The following RGS6 variants were observed in gnomAD, a reference collection of about 807,000 sequenced individuals.
The protein encoded by RGS6 is regulator of G protein signaling 6, also known as regulator of G-protein signaling 6.
In RGS6, 30 loss-of-function variants were observed where a neutral mutation model predicts 78.5. That is an observed-to-expected ratio of 0.38 (90% CI 0.29 to 0.52). The LOEUF (loss-of-function observed/expected upper bound fraction) is 0.52. Among genes scored for constraint, RGS6 ranks in the 20% least tolerant of loss-of-function variants. RGS6 has a pLI of 0.85. For missense variants in RGS6, 495 were observed against 609.7 expected (o/e 0.81, Z 1.98); for synonymous variants, 206 against 206.0 (o/e 1.00, Z 0.00).
intron 17 of RGS6, chr14:72,540,376 A>G (rs2097308324): frequency 6.9e-7 from 1 of 1,454,004 alleles, no homozygotes; most frequent in Admixed American, 2.7e-5. Context: ...GGCTTTGAGG[A>G]GGAGGGACCC....
At chr14:72,253,616 T>C (rs1435512106) in intron 2 of RGS6, among the ~76,000 whole-genome samples, 1 of 152,204 alleles carries the variant, frequency 6.6e-6, no homozygotes, top group Non-Finnish European at 1.5e-5. Flanking sequence ...ACCCCTGCCA[T>C]AGGATTTTGC....
intron 3 of RGS6, among the ~76,000 whole-genome samples, chr14:72,437,167 C>CAAAAAAA (rs71109735): frequency 2.1e-4 from 16 of 75,012 alleles, no homozygotes; most frequent in East Asian, 7.9e-4. Context: ...ACTAAAAATA[C>CAAAAAAA]AAAAAAAAAA....
intron 2 of RGS6, among the ~76,000 whole-genome samples, chr14:72,144,271 A>T (rs965243378): frequency 1.3e-5 from 2 of 152,242 alleles, no homozygotes; most frequent in African/African-American, 4.8e-5. Context: ...TTGTTTTCAC[A>T]TAGTGATCAC....
intron 11 of RGS6, 96 bp downstream of exon 11, chr14:72,476,936 T>G: frequency 8.8e-7 from 1 of 1,135,892 alleles, no homozygotes; most frequent in Non-Finnish European, 1.3e-6. Context: ...AAGCTTTGAG[T>G]TCCTGGAAAC....
In RGS6 at chr14:72,562,816, T is replaced by TATTA. The variant is rs2097691871; in HGVS notation, c.*350_*353dup. 1 of 1,402,852 alleles carries TATTA rather than the reference T, an allele frequency of 7.1e-7. No individual in the cohort carries two copies. The highest frequency in any genetic ancestry group is 1.4e-5 in the African/African-American group (1 of 70,288). 86.9% of individuals were successfully genotyped at this position (1,402,852 alleles called of 1,614,324 possible). A position where few individuals can be genotyped will look rare whatever the true frequency, so the allele number is the denominator to read the frequency against. ...TCACGACTATCACTTGAGATTATAT[T>TATTA]ATTATCCTCACTCCCTCGCTGTCTG... On this transcript the variant is annotated 3_prime_UTR_variant, in exon 18 of 18. Transcript: ENST00000553525.
At chr14:72,431,599 G>A (rs533206266) in intron 3 of RGS6, among the ~76,000 whole-genome samples, 1 of 150,816 alleles carries the variant, frequency 6.6e-6, no homozygotes, top group South Asian at 2.1e-4. Flanking sequence ...TCCCAGGCTG[G>A]TCTCATCTCT....
At chr14:71,971,020 A>G (rs2153074711) in intron 2 of RGS6, among the ~76,000 whole-genome samples, 1 of 152,340 alleles carries the variant, frequency 6.6e-6, no homozygotes, top group Non-Finnish European at 1.5e-5. Flanking sequence ...TACCGAGTTC[A>G]GGAGACTTTA....
chr14:72,399,881 G>A (rs1345027551), intron 3 of RGS6, among the ~76,000 whole-genome samples: 2 of 152,202 alleles, frequency 1.3e-5, no homozygotes, highest in Admixed American at 6.5e-5. Context: ...AGAAATATGG[G>A]ACTATGTGTA....
chr14:71,999,944 G>T (rs1042464475), intron 2 of RGS6, among the ~76,000 whole-genome samples: 1 of 151,814 alleles, frequency 6.6e-6, no homozygotes, highest in Non-Finnish European at 1.5e-5. Context: ...ATTTTTGATG[G>T]AGTCAAAAAC....
At chr14:71,925,762 C>A in the RGS6 span, among the ~76,000 whole-genome samples, 3 of 101,710 alleles carry the variant, frequency 2.9e-5, no homozygotes, top group Admixed American at 3.0e-4. Context: ...CGGGCTTCCT[C>A]TTCTGTTCCA....
chr14:72,324,970 A>T (rs184998171), intron 2 of RGS6, among the ~76,000 whole-genome samples: 2 of 152,296 alleles, frequency 1.3e-5, no homozygotes, highest in South Asian at 4.1e-4. Context: ...ACAGCCCCAC[A>T]AACAGTGTAA....
At chr14:71,919,112 G>A in the RGS6 span, among the ~76,000 whole-genome samples, 3 of 152,214 alleles carry the variant, frequency 2.0e-5, no homozygotes, top group East Asian at 1.9e-4. Flanking sequence ...CAGGGGCTCC[G>A]GAAACTCCAA....
chr14:72,132,762 C>T (rs1334243445), intron 2 of RGS6, among the ~76,000 whole-genome samples: 1 of 150,920 alleles, frequency 6.6e-6, no homozygotes. Context: ...GTTTGGAAGT[C>T]AGACATGTTT....
intron 2 of RGS6, among the ~76,000 whole-genome samples, chr14:72,183,996 T>A (rs889694035): frequency 2.0e-5 from 3 of 152,198 alleles, no homozygotes; most frequent in African/African-American, 7.2e-5. Context: ...ACATTCAGAC[T>A]TTTTCTTGTG....
chr14:72,511,024 G>A (rs548792572), intron 14 of RGS6, among the ~76,000 whole-genome samples: 7 of 152,154 alleles, frequency 4.6e-5, no homozygotes, highest in Non-Finnish European at 7.4e-5. Flanking sequence ...AAGTCTCCTT[G>A]GTTATGAAAA....
intron 2 of RGS6, among the ~76,000 whole-genome samples, chr14:72,040,854 A>T (rs943399618): frequency 6.6e-6 from 1 of 151,528 alleles, no homozygotes; most frequent in Non-Finnish European, 1.5e-5. Flanking sequence ...GTGCTGTTAA[A>T]CTCCTCTGGT....
chr14:72,128,376 T>C (rs1487847137), intron 2 of RGS6, among the ~76,000 whole-genome samples: 1 of 152,166 alleles, frequency 6.6e-6, no homozygotes, highest in Non-Finnish European at 1.5e-5. Context: ...TATTGGCCAG[T>C]GTCCACAATA....
the RGS6 span, among the ~76,000 whole-genome samples, chr14:72,585,445 A>G: frequency 3.3e-5 from 5 of 152,244 alleles, no homozygotes; most frequent in African/African-American, 1.2e-4. Context: ...GGAAAAAAGC[A>G]GGTTGGAAAG....
In RGS6 at chr14:72,370,365, G is replaced by C. The variant is rs144648093; in HGVS notation, c.184+18171G>C. On this transcript the variant is annotated intron_variant, in intron 3 of 17. Transcript: ENST00000553525. ...CATTATCTCCTATGCCATAGGGGTTGTGGATTTGCTAGTTTAAAGAAAACA... is the reference window on the plus strand; with the variant it reads ...CATTATCTCCTATGCCATAGGGGTTCTGGATTTGCTAGTTTAAAGAAAACA... 4.5e-4 allele frequency among the ~76,000 whole-genome samples: 68 copies of C among 152,284 alleles called. 1 individual carries two copies. Among genetic ancestry groups the C allele is most frequent in the African/African-American group, 1.6e-3 (66 of 41,552 alleles).
Sources: allele counts gnomAD v4.1 joint callset (sites outside exome capture counted in the v4.1 genomes callset), GRCh38; gene constraint gnomAD v4.1.1; transcripts MANE v1.5; gene names NCBI Gene and HGNC (gene_info 2026-07-23, HGNC 2026-07-21).